PMPCB: variants seen among roughly 807,000 people sequenced by gnomAD.
PMPCB encodes peptidase, mitochondrial processing subunit beta.
PMPCB carries 46 observed loss-of-function variants against 61.5 expected under a neutral mutation model. The observed-to-expected ratio is 0.75, with a 90% CI of 0.59 to 0.96. The LOEUF (loss-of-function observed/expected upper bound fraction) is 0.96, where lower values mean the gene tolerates loss of function less well. Ranked by LOEUF, PMPCB falls within the 40% of genes least tolerant of loss-of-function variation. The pLI, the probability that PMPCB is intolerant of heterozygous loss-of-function variation, is 0.00. For missense variants in PMPCB, 590 were observed against 602.4 expected, an observed-to-expected ratio of 0.98 and a Z score of 0.22; for synonymous variants, 191 against 201.6, an observed-to-expected ratio of 0.95 and a Z score of 0.44.
rs1397690883 is a variant in PMPCB, at chr7:103,312,613, C to T, written c.*342C>T. On this transcript the variant is annotated 3_prime_UTR_variant, in exon 13 of 13. Transcript: ENST00000249269. ...GCATTCAGCACTTGTTCTTGAGCAG[C>T]TTTCTTTGCTTTTACCATCTCGACA... 2.5e-6 allele frequency: 4 copies of T among 1,613,626 alleles called. No individual in the cohort carries two copies. The highest frequency in any genetic ancestry group is 2.5e-6 in the Non-Finnish European group (3 of 1,179,830).
intron 4 of PMPCB, among the ~76,000 whole-genome samples, chr7:103,302,701 G>T (rs1181426814): frequency 2.0e-5 from 3 of 152,154 alleles, no homozygotes; most frequent in African/African-American, 7.2e-5. Context: ...CCCTTAAAGT[G>T]AACTTAATTA....
At chr7:103,299,385 C>A in intron 2 of PMPCB, 58 bp from the exon 3 acceptor site, 1 of 1,021,142 alleles carries the variant, frequency 9.8e-7, no homozygotes. Flanking sequence ...GGAGACTGTT[C>A]CCCCCAACCT....
intron 12 of PMPCB, among the ~76,000 whole-genome samples, chr7:103,326,145 A>ATTTTTTTTTTTTTTTTTTTTTT (rs1818693301): frequency 6.6e-6 from 1 of 151,878 alleles, no homozygotes; most frequent in African/African-American, 2.4e-5. Context: ...CGGCCAGCTA[A>ATTTTTTTTTTTTTTTTTTTTTT]TTTTTGTATT....
the PMPCB span, chr7:103,337,908 C>T: frequency 4.6e-6 from 4 of 862,312 alleles, no homozygotes; most frequent in Non-Finnish European, 7.5e-6. Context: ...CCCAAAGTGA[C>T]ATTTCATCAG....
chr7:103,304,404 T>C lies in PMPCB; in HGVS notation c.657-7T>C, dbSNP rs745899361. 2.0e-6 allele frequency: 3 copies of C among 1,520,698 alleles called. No homozygotes were observed. Among genetic ancestry groups the C allele is most frequent in the Non-Finnish European group, 2.7e-6 (3 of 1,099,910 alleles). The allele number at this position is 1,520,698 out of a possible 1,614,324, so 94.2% of individuals were successfully genotyped here. ...TTCCTTTAAAAATTGTTTTACTTCA[T>C]TTACAGATCTATAAGTCGTAAGGAC... On this transcript the variant is annotated splice_polypyrimidine_tract_variant and splice_region_variant and intron_variant, in intron 5 of 12. Coordinates refer to ENST00000249269, the MANE Select transcript of PMPCB (RefSeq NM_004279.3).
Position 103,314,653 on chromosome 7 carries a change from C to T in PMPCB, c.*2382C>T. 6.1e-6 allele frequency: 6 copies of T among 985,212 alleles called. No individual in the cohort carries two copies. Among genetic ancestry groups the T allele is most frequent in the Non-Finnish European group, 7.2e-6 (6 of 829,856 alleles). 61.0% of individuals were successfully genotyped at this position (985,212 alleles called of 1,614,324 possible). A position where few individuals can be genotyped will look rare whatever the true frequency, so the allele number is the denominator to read the frequency against. ...TCTGAAACCCTGCCTTGTTACTTAC[C>T]TTTATTAAAAGAACCGAAATAATGC... On this transcript the variant is annotated 3_prime_UTR_variant, in exon 13 of 13. Transcript: ENST00000249269.
chr7:103,297,761 A>T (rs1180690077), intron 1 of PMPCB: 20 of 1,533,114 alleles, frequency 1.3e-5, no homozygotes, highest in Non-Finnish European at 1.7e-5. Context: ...CCTGCTAGTG[A>T]CGTGTGGGAT....
At chr7:103,345,685 G>C in the PMPCB span, among the ~76,000 whole-genome samples, 1 of 150,930 alleles carries the variant, frequency 6.6e-6, no homozygotes, top group Non-Finnish European at 1.5e-5. Context: ...TGAACTCCTG[G>C]CCTCAAGGGA....
chr7:103,325,169 C>T (rs890681640), intron 12 of PMPCB, among the ~76,000 whole-genome samples: 19 of 152,180 alleles, frequency 1.2e-4, no homozygotes, highest in African/African-American at 4.3e-4. Context: ...CGTGGCCAGG[C>T]GCGGTGGCTC....
At chr7:103,301,091 A>C (rs940481114) in intron 4 of PMPCB, among the ~76,000 whole-genome samples, 1 of 152,224 alleles carries the variant, frequency 6.6e-6, no homozygotes, top group Admixed American at 6.5e-5. Flanking sequence ...GGCACTTAAC[A>C]CAAGTACTTT....
chr7:103,314,570 T>C lies in PMPCB; in HGVS notation c.*2299T>C, dbSNP rs889052232. On this transcript the variant is annotated 3_prime_UTR_variant, in exon 13 of 13. Transcript: ENST00000249269. ...TAGTGTGCTAATACCTGTTGTATTT[T>C]GTGGAGATAAAGGTGCAGGAGAATA... 3.0e-6 allele frequency: 3 copies of C among 985,262 alleles called. No homozygotes were observed. The African/African-American group carries it at 5.2e-5, about 17-fold the overall frequency. 61.0% of individuals were successfully genotyped at this position (985,262 alleles called of 1,614,324 possible). A position where few individuals can be genotyped will look rare whatever the true frequency, so the allele number is the denominator to read the frequency against.
At chr7:103,337,931 AG>A in the PMPCB span, 1 of 706,572 alleles carries the variant, frequency 1.4e-6, no homozygotes, top group African/African-American at 1.8e-5. Flanking sequence ...GTCCAGTAAG[AG>A]GTTCTGTATA....
downstream of PMPCB, chr7:103,319,640 T>C: frequency 6.2e-7 from 1 of 1,614,162 alleles, no homozygotes; most frequent in Non-Finnish European, 8.5e-7. Flanking sequence ...TCCTACTTCT[T>C]TTGTGCATGA....
At chr7:103,324,557 G>T in intron 12 of PMPCB, 2 of 1,468,220 alleles carry the variant, frequency 1.4e-6, no homozygotes, top group South Asian at 1.3e-5. Context: ...TTTTTTATTT[G>T]ACCATCTGAA....
At chr7:103,297,667 T>C in intron 1 of PMPCB, 109 bp downstream of exon 1, 2 of 1,548,668 alleles carry the variant, frequency 1.3e-6, no homozygotes, top group Non-Finnish European at 1.7e-6. Flanking sequence ...CAGGGCCTCC[T>C]CGACCCGGAC....
At chr7:103,323,495 A>G (rs1339645792) in intron 12 of PMPCB, 25 of 1,202,386 alleles carry the variant, frequency 2.1e-5, no homozygotes, top group Non-Finnish European at 2.8e-5. Flanking sequence ...AAAGATGTAC[A>G]AAGAGAAAAT....
chr7:103,312,141 GCTT>G lies in PMPCB; in HGVS notation c.1405+14_1405+16del, dbSNP rs1817779685. ...GCTATTGCTGCTGTTGGTAAGCCTG[GCTT>G]CTTTTCTTCTATGCAAAAAGTTGGC... On this transcript the variant is annotated intron_variant, in intron 12 of 12. Coordinates refer to ENST00000249269, the MANE Select transcript of PMPCB (RefSeq NM_004279.3). 6.2e-7 allele frequency: 1 copy of G among 1,613,952 alleles called. No homozygotes were observed. Among genetic ancestry groups the G allele is most frequent in the Non-Finnish European group, 8.5e-7 (1 of 1,179,942 alleles).
intron 9 of PMPCB, 92 bp downstream of exon 9, chr7:103,310,567 T>G: frequency 9.8e-7 from 1 of 1,018,860 alleles, no homozygotes; most frequent in East Asian, 2.7e-5. Context: ...TTATGGTAAT[T>G]TTACCTTTTA....
the PMPCB span, among the ~76,000 whole-genome samples, chr7:103,342,411 T>C: frequency 6.6e-6 from 1 of 151,916 alleles, no homozygotes. Context: ...GTTCAAGTGA[T>C]TCTTGTGCCT....
Sources: gnomAD v4.1 joint callset for allele counts (sites outside exome capture counted in the v4.1 genomes callset) on GRCh38, gnomAD v4.1.1 for gene constraint, MANE v1.5 for transcripts, NCBI Gene and HGNC (gene_info 2026-07-23, HGNC 2026-07-21) for gene names.